Variants in CNGB1 observed in about 807,000 individuals in gnomAD.
CNGB1 encodes cyclic nucleotide-gated channel beta-1.
In CNGB1, 126 loss-of-function variants were observed where a neutral mutation model predicts 151.7. That is an observed-to-expected ratio of 0.83 (90% confidence interval 0.72 to 0.96). The LOEUF is 0.96. CNGB1 is among the 40% of genes least tolerant of loss of function. The probability of loss-of-function intolerance (pLI) is 0.00; values close to 1 mark genes in which losing one functional copy is unlikely to be tolerated. For missense variants in CNGB1, 1,698 were observed against 1,627.0 expected (o/e 1.04, Z -0.75); for synonymous variants, 623 against 635.1 (o/e 0.98, Z 0.29).
chr16:57,920,361 T>C lies in CNGB1; in HGVS notation c.1801+26A>G, dbSNP rs373586490. On this transcript the variant is annotated intron_variant, in intron 19 of 32. Coordinates refer to ENST00000251102, the MANE Select transcript of CNGB1 (RefSeq NM_001297.5). ...AGGCCCCACCCCATCCCCATCCAGG[T>C]AGACCCCCTCCAGCTCCAGACTCAC... The C allele has an allele frequency of 3.7e-6, 6 of 1,613,612 alleles. No individual in the cohort carries two copies. In the African/African-American group the frequency reaches 8.0e-5, roughly 22 times the overall value.
At chr16:57,929,943 A>G (rs1961301470) in intron 17 of CNGB1, among the ~76,000 whole-genome samples, 1 of 152,210 alleles carries the variant, frequency 6.6e-6, no homozygotes, top group Non-Finnish European at 1.5e-5. Context: ...AAATAAATAA[A>G]TAAGACAGAA....
chr16:57,895,376 T>C (rs1232867503), intron 31 of CNGB1, among the ~76,000 whole-genome samples: 1 of 151,612 alleles, frequency 6.6e-6, no homozygotes, highest in Non-Finnish European at 1.5e-5. Flanking sequence ...CACTCCAGCC[T>C]GGGTGACAAG....
Position 57,890,090 on chromosome 16 carries a change from C to T in CNGB1, c.3243-2016G>A, listed in dbSNP as rs118046118. Among the ~76,000 whole-genome samples the T allele has an allele frequency of 5.6e-3, 860 of 152,376 alleles. 2 individuals carry two copies. The highest frequency in any genetic ancestry group is 8.8e-3 in the Non-Finnish European group (599 of 68,040). ...TACCGGCAATTTTTCACACTACAAA[C>T]ATGCGGTGAGCAGTTTGTCTCAAGA... On this transcript the variant is annotated intron_variant, in intron 31 of 32. Transcript: ENST00000251102.
chr16:57,935,742 T>C (rs1187622344), intron 16 of CNGB1, among the ~76,000 whole-genome samples: 1 of 145,670 alleles, frequency 6.9e-6, no homozygotes, highest in Non-Finnish European at 1.5e-5. Context: ...GTCTTTTTGC[T>C]TTGTTTCCTT....
At chr16:57,938,167 C>T (rs1345572472) in intron 16 of CNGB1, among the ~76,000 whole-genome samples, 5 of 152,136 alleles carry the variant, frequency 3.3e-5, no homozygotes, top group Admixed American at 2.6e-4. Flanking sequence ...GGTCCCAGAC[C>T]ACCTGCTTCC....
intron 32 of CNGB1, among the ~76,000 whole-genome samples, chr16:57,886,459 C>T (rs1195478595): frequency 6.6e-6 from 1 of 152,152 alleles, no homozygotes; most frequent in Non-Finnish European, 1.5e-5. Context: ...AGTTTGTGAG[C>T]CAGGCAATCA....
At chr16:57,940,634 G>C (rs941556242) in intron 14 of CNGB1, among the ~76,000 whole-genome samples, 2 of 152,170 alleles carry the variant, frequency 1.3e-5, no homozygotes, top group Non-Finnish European at 2.9e-5. Context: ...GGAGGAAAAG[G>C]TTGTCCAGGA....
At chr16:57,954,638 G>T in intron 12 of CNGB1, 1 of 969,620 alleles carries the variant, frequency 1.0e-6, no homozygotes, top group African/African-American at 1.8e-5. Context: ...CCTTCTTTTA[G>T]CTTTATCCTA....
In CNGB1 at chr16:57,887,867, C is replaced by T; in HGVS notation, c.3450G>A (p.Glu1150=). ...CCAACCACATTACCTGTTCCACCAA[C>T]TCTTGCTGCTTTGCAGCCGCCTCCA... is the stretch of plus-strand genomic sequence containing the variant. ...AALEAAAKQQ[E]LVEQAKSSQD... Residue 1150 remains glutamate (E), a synonymous_variant, in exon 32 of 33, where the codon GAG becomes GAA. Coordinates refer to ENST00000251102, the MANE Select transcript of CNGB1 (RefSeq NM_001297.5). 6.2e-7 allele frequency: 1 copy of T among 1,614,200 alleles called. No homozygotes were observed. The highest frequency in any genetic ancestry group is 8.5e-7 in the Non-Finnish European group (1 of 1,180,040).
intron 15 of CNGB1, 45 bp from the exon 16 acceptor site, chr16:57,939,637 C>A (rs1401561100): frequency 1.2e-6 from 2 of 1,612,882 alleles, no homozygotes; most frequent in Non-Finnish European, 1.7e-6. Context: ...CATCAGCCCC[C>A]AGCCCTAGTC....
rs757959565 is a variant in CNGB1, at chr16:57,967,265, C to T, written c.22G>A (p.Val8Met). Residue 8 changes from valine (V) to methionine (M), a missense_variant, in exon 2 of 33, where the codon GTG (valine) becomes ATG (methionine). Coordinates refer to ENST00000251102, the MANE Select transcript of CNGB1 (RefSeq NM_001297.5). The part of the protein sequence containing the change: MLGWVQR[V>M]LPQPPGTPRK... ...GGGGTCCCTGGGGGCTGAGGCAGCA[C>T]CCTCTGGACCCAGCCCAACATCCTG... 9.3e-6 allele frequency: 15 copies of T among 1,614,212 alleles called. No individual in the cohort carries two copies. In the Admixed American group the frequency reaches 1.0e-4, roughly 11 times the overall value.
intron 17 of CNGB1, among the ~76,000 whole-genome samples, chr16:57,930,258 A>G (rs1416500522): frequency 6.6e-6 from 1 of 152,074 alleles, no homozygotes; most frequent in Non-Finnish European, 1.5e-5. Flanking sequence ...GCACTTTGGG[A>G]GGCTAAGGCA....
chr16:57,925,105 C>A (rs1567380385), intron 17 of CNGB1, among the ~76,000 whole-genome samples: 1 of 152,078 alleles, frequency 6.6e-6, no homozygotes, highest in Non-Finnish European at 1.5e-5. Flanking sequence ...CAGGTTCAAG[C>A]AATTCTCATG....
intron 1 of CNGB1, among the ~76,000 whole-genome samples, chr16:57,970,370 C>T (rs573255238): frequency 1.3e-5 from 2 of 152,252 alleles, no homozygotes; most frequent in South Asian, 2.1e-4. Flanking sequence ...ACCACCACGC[C>T]CCGCCCAGCC....
At position 57,935,956 on chromosome 16, in the gene CNGB1, G is replaced by A. The variant is rs12596021; in HGVS notation, c.1372+3474C>T. Among the ~76,000 whole-genome samples, 10 of 152,210 alleles carry A rather than the reference G, an allele frequency of 6.6e-5. No homozygotes were observed. In the East Asian group the frequency reaches 1.2e-3, roughly 18 times the overall value. On this transcript the variant is annotated intron_variant, in intron 16 of 32. Coordinates refer to ENST00000251102, the MANE Select transcript of CNGB1 (RefSeq NM_001297.5). ...GAAGGACAACAGTGGACGTCTTCCC[G>A]TGAAATGTTCTGTCCTGCCTGGTTG...
At position 57,962,844 on chromosome 16, in the gene CNGB1, G is replaced by A. The variant is rs1300027010; in HGVS notation, c.410C>T (p.Thr137Ile). 1.9e-6 allele frequency: 3 copies of A among 1,612,722 alleles called. No homozygotes were observed. The South Asian group carries it at 3.3e-5, about 18-fold the overall frequency. Residue 137 changes from threonine to isoleucine, a missense_variant and splice_region_variant, in exon 6 of 33, where the codon ACA (threonine) becomes ATA (isoleucine). Physicochemically the swap from Thr to Ile is moderately conservative, Grantham distance 89. Coordinates refer to ENST00000251102, the MANE Select transcript of CNGB1 (RefSeq NM_001297.5). Reference sequence around the variant, plus strand: ...GCCATCCTGCCCCTTGTTCTTACCTGTGTCCCCAGTGCTGCCATGCCCCAG... The same window carrying A: ...GCCATCCTGCCCCTTGTTCTTACCTATGTCCCCAGTGCTGCCATGCCCCAG... The part of the protein sequence containing the change: ...QILGHGSTGD[T>I]GCTDEPNEAL...
Position 57,931,831 on chromosome 16 carries a change from C to T in CNGB1, c.1420G>A (p.Ala474Thr), listed in dbSNP as rs745366728. 1.2e-6 allele frequency: 2 copies of T among 1,614,176 alleles called. No homozygotes were observed. Among genetic ancestry groups the T allele is most frequent in the Non-Finnish European group, 8.5e-7 (1 of 1,180,036 alleles). ...HPEVQVEDTD[A>T]DSCPLMAEEN... is the part of the protein sequence containing the mutation. ...TCTGCCATGAGGGGGCAGCTATCAG[C>T]ATCAGTATCTTCCACCTGCACTTCT... The change falls in exon 17 of 33, where the codon GCT becomes ACT. Residue 474 changes from alanine to threonine, a missense_variant. By Grantham distance (58) the Ala-to-Thr change is moderately conservative. Transcript: ENST00000251102.
At chr16:57,950,302 A>G (rs1469859048) in intron 13 of CNGB1, 79 bp downstream of exon 13, 31 of 1,552,710 alleles carry the variant, frequency 2.0e-5, no homozygotes, top group Admixed American at 1.2e-4. Flanking sequence ...GTGCCTTTTC[A>G]TCTTTGAGAT....
Position 57,915,251 on chromosome 16 carries a change from T to C in CNGB1, c.2302A>G (p.Lys768Glu). The change falls in exon 23 of 33, where the codon AAG (lysine) becomes GAG (glutamate). Residue 768 changes from lysine to glutamate, a missense_variant and splice_region_variant. Coordinates refer to ENST00000251102, the MANE Select transcript of CNGB1 (RefSeq NM_001297.5). The part of the protein sequence containing the change: ...NPLLRLPRCL[K>E]YMAFFEFNSR... ...GGTGGTGGGCCCAGCAGTCCTACCT[T>C]TAAACAGCGGGGCAGGCGGAGGAGG... 1 of 1,613,318 alleles carries C rather than the reference T, an allele frequency of 6.2e-7. No individual in the cohort carries two copies. Among genetic ancestry groups the C allele is most frequent in the East Asian group, 2.2e-5 (1 of 44,882 alleles).
Sources: gnomAD v4.1 joint callset for allele counts (sites outside exome capture counted in the v4.1 genomes callset) on GRCh38, gnomAD v4.1.1 for gene constraint, MANE v1.5 for transcripts, NCBI Gene and HGNC (gene_info 2026-07-23, HGNC 2026-07-21) for gene names.